Variants in GAPVD1 observed in about 807,000 individuals in gnomAD.
GAPVD1 encodes the protein GTPase-activating protein and VPS9 domain-containing protein 1.
Under a neutral mutation model 155.5 loss-of-function variants are expected in GAPVD1, and 35 were observed. The observed-to-expected ratio is 0.23, with a 90% confidence interval of 0.17 to 0.30. The LOEUF (loss-of-function observed/expected upper bound fraction) is 0.30. GAPVD1 is among the 10% of genes least tolerant of loss of function. The pLI, the probability that GAPVD1 is intolerant of heterozygous loss-of-function variation, is 1.00. For missense variants in GAPVD1, 1,429 were observed against 1,775.7 expected (o/e 0.80, Z 3.51); for synonymous variants, 636 against 619.7 (o/e 1.03, Z -0.39).
chr9:125,317,695 T>C (rs909885033), intron 9 of GAPVD1, among the ~76,000 whole-genome samples: 2 of 151,162 alleles, frequency 1.3e-5, no homozygotes, highest in Non-Finnish European at 2.9e-5. Context: ...ACATTGGACT[T>C]ACTCAAGACT....
chr9:125,264,080 A>G (rs558891237), intron 1 of GAPVD1: 43 of 834,466 alleles, frequency 5.2e-5, no homozygotes, highest in Non-Finnish European at 7.4e-5. Flanking sequence ...ATAAATGGCA[A>G]TCTGGTTCTT....
chr9:125,294,026 C>T (rs993173253), intron 2 of GAPVD1, among the ~76,000 whole-genome samples: 3 of 150,362 alleles, frequency 2.0e-5, no homozygotes, highest in Admixed American at 6.8e-5. Flanking sequence ...GATTCTTCTG[C>T]CCTAGCCTCC....
intron 2 of GAPVD1, among the ~76,000 whole-genome samples, chr9:125,274,742 G>A (rs1459526459): frequency 6.6e-6 from 1 of 152,144 alleles, no homozygotes; most frequent in East Asian, 1.9e-4. Context: ...GATTATAGGC[G>A]TGAGCCACTG....
intron 4 of GAPVD1, among the ~76,000 whole-genome samples, chr9:125,300,442 G>A (rs1473318808): frequency 6.6e-6 from 1 of 151,858 alleles, no homozygotes; most frequent in Non-Finnish European, 1.5e-5. Context: ...GCCTCCCAAA[G>A]TGCTGGGATT....
In GAPVD1 at chr9:125,307,498, G is replaced by C; in HGVS notation, c.1202G>C (p.Gly401Ala). The C allele has an allele frequency of 1.9e-6, 3 of 1,611,686 alleles. No individual in the cohort carries two copies. Among genetic ancestry groups the C allele is most frequent in the Non-Finnish European group, 1.7e-6 (2 of 1,177,820 alleles). ...PPLSSVNLLE[G>A]LSRTVVYITY... ...TTGTCTTCCGTCAATCTTCTGGAAGGATTGAGCAGAACTGTGGTTTATATA... is the reference window on the plus strand; with the variant it reads ...TTGTCTTCCGTCAATCTTCTGGAAGCATTGAGCAGAACTGTGGTTTATATA... The change falls in exon 7 of 28, where the codon GGA (glycine) becomes GCA (alanine). Residue 401 changes from glycine (G) to alanine (A), a missense_variant. By Grantham distance (60) the Gly-to-Ala change is moderately conservative. Around this residue, in one of 4 missense-constraint regions of GAPVD1, gnomAD observed 628 missense variants for 733.4 expected, o/e 0.86. Transcript: ENST00000297933.
rs1850611328 is a variant in GAPVD1, at chr9:125,359,466, A to G, written c.4018A>G (p.Asn1340Asp). 7.6e-6 allele frequency: 12 copies of G among 1,589,148 alleles called. No individual in the cohort carries two copies. The highest frequency in any genetic ancestry group is 1.1e-5 in the South Asian group (1 of 90,552). The change falls in exon 26 of 28, where the codon AAT (asparagine) becomes GAT (aspartate). Residue 1340 changes from asparagine to aspartate, a missense_variant. Coordinates refer to ENST00000297933, the MANE Select transcript of GAPVD1 (RefSeq NM_001282680.3). ...IQRLSKVVTANHRALQIPEVY... is the reference protein window; with the variant it reads ...IQRLSKVVTADHRALQIPEVY... ...GAGATTGTCTAAAGTAGTGACTGCA[A>G]ATCACAGAGCTCTTCAGATACCAGA...
chr9:125,324,407 A>G (rs1409286953), intron 11 of GAPVD1, among the ~76,000 whole-genome samples: 2 of 152,100 alleles, frequency 1.3e-5, no homozygotes, highest in African/African-American at 4.8e-5. Context: ...CCTGACCAAC[A>G]TGGAGAAAGC....
intron 19 of GAPVD1, among the ~76,000 whole-genome samples, chr9:125,343,494 A>G (rs1190021869): frequency 6.6e-6 from 1 of 152,186 alleles, no homozygotes; most frequent in Non-Finnish European, 1.5e-5. Context: ...AATGCCTATT[A>G]TTCTAATGGT....
At position 125,332,547 on chromosome 9, in the gene GAPVD1, T is replaced by C. The variant is rs753633071; in HGVS notation, c.2346T>C (p.Ile782=). The C allele has an allele frequency of 6.2e-7, 1 of 1,606,378 alleles. No homozygotes were observed. Among genetic ancestry groups the C allele is most frequent in the East Asian group, 2.2e-5 (1 of 44,744 alleles). The change falls in exon 15 of 28, where the codon ATT becomes ATC. Residue 782 remains isoleucine, a synonymous_variant. Transcript: ENST00000297933. ...SATSEDIPNK[I]EDLRSECSSD... is the part of the protein sequence containing the mutation. ...CCTCTGAGGATATTCCCAATAAGAT[T>C]GAAGACCTGAGATCTGAGTGCAGCT...
intron 13 of GAPVD1, among the ~76,000 whole-genome samples, chr9:125,331,418 C>T (rs1281992214): frequency 1.3e-5 from 2 of 152,146 alleles, no homozygotes; most frequent in Non-Finnish European, 2.9e-5. Context: ...GCATGCTGGT[C>T]TCGAACTCCT....
rs1183620611 is a variant in GAPVD1, at chr9:125,363,908, G to C, written c.*1162G>C. The C allele has an allele frequency of 6.6e-6, 1 of 152,526 alleles. No individual in the cohort carries two copies. Among genetic ancestry groups the C allele is most frequent in the Non-Finnish European group, 1.5e-5 (1 of 68,028 alleles). The allele number at this position is 152,526 out of a possible 1,614,324, so 9.4% of individuals were successfully genotyped here. A position where few individuals can be genotyped will look rare whatever the true frequency, so the allele number is the denominator to read the frequency against. On this transcript the variant is annotated 3_prime_UTR_variant, in exon 28 of 28. Coordinates refer to ENST00000297933, the MANE Select transcript of GAPVD1 (RefSeq NM_001282680.3). ...AAAAAGTCTGTGTTTTCATAGTTTG[G>C]TTTGCATTGTATATCAATAATTAAT...
rs777419949 is a variant in GAPVD1, at chr9:125,326,628, G to A, written c.2032+39G>A. 1.5e-5 allele frequency: 22 copies of A among 1,466,386 alleles called. No individual in the cohort carries two copies. In the East Asian group the frequency reaches 5.0e-4, roughly 33 times the overall value. The allele number at this position is 1,466,386 out of a possible 1,614,324, so 90.8% of individuals were successfully genotyped here. ...AATGTCTCTGAAATATCACGGTTTA[G>A]TTATTCAAATCCACCAACCTTTCAT... On this transcript the variant is annotated intron_variant, in intron 12 of 27. Coordinates refer to ENST00000297933, the MANE Select transcript of GAPVD1 (RefSeq NM_001282680.3).
Position 125,323,849 on chromosome 9 carries a change from C to T in GAPVD1, c.1784C>T (p.Ser595Phe), listed in dbSNP as rs972186607. 1 of 1,612,848 alleles carries T rather than the reference C, an allele frequency of 6.2e-7. No individual in the cohort carries two copies. The highest frequency in any genetic ancestry group is 1.1e-5 in the South Asian group (1 of 91,062). ...TCCTCCCTAGACCTAGAAGGAGAGT[C>T]TGTGTCAGAACTTGGAGCAGGACCT... The part of the protein sequence containing the change: ...SVSSLDLEGE[S>F]VSELGAGPSG... Residue 595 changes from serine to phenylalanine, a missense_variant, in exon 11 of 28, where the codon TCT becomes TTT. Coordinates refer to ENST00000297933, the MANE Select transcript of GAPVD1 (RefSeq NM_001282680.3).
intron 6 of GAPVD1, 83 bp from the exon 7 acceptor site, chr9:125,307,330 T>G (rs1842010864): frequency 1.0e-6 from 1 of 998,426 alleles, no homozygotes; most frequent in Admixed American, 2.8e-5. Flanking sequence ...TTTAAATTTT[T>G]TCATGCTTGT....
chr9:125,350,479 G>C, intron 22 of GAPVD1, 75 bp downstream of exon 22: 1 of 954,386 alleles, frequency 1.0e-6, no homozygotes, highest in Non-Finnish European at 1.7e-6. Flanking sequence ...GTATTCAGCT[G>C]TTGAAGCTGT....
chr9:125,350,929 T>G, intron 23 of GAPVD1, 57 bp downstream of exon 23: 1 of 1,312,008 alleles, frequency 7.6e-7, no homozygotes, highest in Non-Finnish European at 1.1e-6. Flanking sequence ...AAGTGTTTTC[T>G]TTTTTATCCT....
At chr9:125,281,590 A>G (rs1208144018) in intron 2 of GAPVD1, among the ~76,000 whole-genome samples, 1 of 152,204 alleles carries the variant, frequency 6.6e-6, no homozygotes, top group Non-Finnish European at 1.5e-5. Flanking sequence ...AGTTTGTTAC[A>G]ATATTGTGAA....
chr9:125,342,537 G>C (rs974707963), intron 19 of GAPVD1, among the ~76,000 whole-genome samples: 2 of 152,138 alleles, frequency 1.3e-5, no homozygotes, highest in Non-Finnish European at 2.9e-5. Context: ...TTTATGATGA[G>C]GCCCCTGATC....
intron 23 of GAPVD1, among the ~76,000 whole-genome samples, chr9:125,354,422 A>C (rs1348300039): frequency 6.6e-6 from 1 of 152,140 alleles, no homozygotes; most frequent in Non-Finnish European, 1.5e-5. Context: ...GATCCTCCCA[A>C]ACAAAATGCA....
Sources: gnomAD v4.1 joint callset for allele counts (sites outside exome capture counted in the v4.1 genomes callset) on GRCh38, gnomAD v4.1.1 for gene constraint, gnomAD v4.1.1 regional missense constraint, MANE v1.5 for transcripts, NCBI Gene and HGNC (gene_info 2026-07-23, HGNC 2026-07-21) for gene names.